Variants in HDAC4 observed in about 807,000 individuals in gnomAD.
HDAC4 encodes histone deacetylase 4, also known as histone deacetylase A.
HDAC4 carries 16 observed loss-of-function variants against 135.1 expected under a neutral mutation model. The ratio of observed to expected loss-of-function variants is 0.12; its 90% CI spans 0.08 to 0.18. The LOEUF is 0.18. Among genes scored for constraint, HDAC4 ranks in the 10% least tolerant of loss-of-function variants. HDAC4 has a pLI of 1.00. For missense variants in HDAC4, 1,143 were observed against 1,511.8 expected, an observed-to-expected ratio of 0.76 and a Z score of 4.05; for synonymous variants, 685 against 653.4, an observed-to-expected ratio of 1.05 and a Z score of -0.74.
chr2:239,258,566 A>G (rs950833966), intron 2 of HDAC4, among the ~76,000 whole-genome samples: 2 of 152,246 alleles, frequency 1.3e-5, no homozygotes, highest in African/African-American at 4.8e-5. Flanking sequence ...GAATCCTCTA[A>G]CCAGCACGGG....
chr2:239,311,562 G>A (rs1409944837), intron 2 of HDAC4, among the ~76,000 whole-genome samples: 1 of 152,178 alleles, frequency 6.6e-6, no homozygotes, highest in Non-Finnish European at 1.5e-5. Flanking sequence ...GGACTTTGTA[G>A]GAATGGAGGC....
intron 3 of HDAC4, among the ~76,000 whole-genome samples, chr2:239,222,136 T>C (rs1010534753): frequency 6.6e-6 from 1 of 152,148 alleles, no homozygotes; most frequent in African/African-American, 2.4e-5. Flanking sequence ...ACGCCTCCCT[T>C]CGCTTCCCTG....
intron 1 of HDAC4, among the ~76,000 whole-genome samples, chr2:239,371,655 G>A (rs925279697): frequency 3.3e-5 from 5 of 152,036 alleles, no homozygotes; most frequent in Middle Eastern, 3.4e-3. Flanking sequence ...ACACACATAC[G>A]CACGGACTCA....
intron 3 of HDAC4, among the ~76,000 whole-genome samples, chr2:239,196,660 T>C (rs907530637): frequency 6.6e-6 from 1 of 152,174 alleles, no homozygotes; most frequent in Non-Finnish European, 1.5e-5. Context: ...GTCTAACATC[T>C]GGCAGGGCAG....
At chr2:239,150,457 G>T (rs1305935515) in intron 7 of HDAC4, among the ~76,000 whole-genome samples, 1 of 150,588 alleles carries the variant, frequency 6.6e-6, no homozygotes, top group Admixed American at 6.6e-5. Context: ...CACACACACA[G>T]ATACATAGAA....
intron 4 of HDAC4, among the ~76,000 whole-genome samples, chr2:239,185,004 C>T (rs1211436564): frequency 1.4e-5 from 2 of 139,250 alleles, no homozygotes; most frequent in African/African-American, 5.5e-5. Flanking sequence ...GGCTATCCCT[C>T]AGTGTCTGCC....
chr2:239,196,796 G>A (rs542577615), intron 3 of HDAC4, among the ~76,000 whole-genome samples: 36 of 152,322 alleles, frequency 2.4e-4, no homozygotes, highest in African/African-American at 7.9e-4. Flanking sequence ...GAGTGACCTC[G>A]GGGAATCGAG....
intron 16 of HDAC4, among the ~76,000 whole-genome samples, chr2:239,099,142 G>A (rs1459487497): frequency 6.6e-6 from 1 of 152,202 alleles, no homozygotes; most frequent in African/African-American, 2.4e-5. Context: ...GCAAGGTGGT[G>A]GAGCTAAGCC....
chr2:239,125,008 T>C (rs1247629706), intron 12 of HDAC4, among the ~76,000 whole-genome samples: 1 of 150,350 alleles, frequency 6.7e-6, no homozygotes, highest in East Asian at 1.9e-4. Flanking sequence ...TTCCATGTTA[T>C]GTGACATTCC....
intron 1 of HDAC4, among the ~76,000 whole-genome samples, chr2:239,389,639 T>C (rs561109900): frequency 6.6e-6 from 1 of 152,304 alleles, no homozygotes; most frequent in South Asian, 2.1e-4. Flanking sequence ...GCGTTCAGTG[T>C]GGCACCCATG....
intron 22 of HDAC4, among the ~76,000 whole-genome samples, chr2:239,074,192 C>G (rs2034505203): frequency 6.6e-6 from 1 of 152,240 alleles, no homozygotes. Flanking sequence ...TGTCATAAAA[C>G]CTTTTTCTTT....
rs1169090686 is a variant in HDAC4, at chr2:239,177,392, T to C, written c.340-829A>G. On this transcript the variant is annotated intron_variant, in intron 4 of 26. Coordinates refer to ENST00000543185, the MANE Select transcript of HDAC4 (RefSeq NM_001378414.1). ...TCAGTGGAGGTGAAACCCAAAAATATGGAGGGCTGACTATATTCACATGAA... is the reference window on the plus strand; with the variant it reads ...TCAGTGGAGGTGAAACCCAAAAATACGGAGGGCTGACTATATTCACATGAA... Among the ~76,000 whole-genome samples, 5 of 152,112 alleles carry C rather than the reference T, an allele frequency of 3.3e-5. No individual in the cohort carries two copies. In the East Asian group the frequency reaches 9.7e-4, roughly 29 times the overall value.
intron 2 of HDAC4, among the ~76,000 whole-genome samples, chr2:239,255,925 A>G (rs1406391367): frequency 6.6e-6 from 1 of 152,250 alleles, no homozygotes; most frequent in African/African-American, 2.4e-5. Context: ...AATAATCAGC[A>G]AAAGATTGCT....
rs535983454 is a variant in HDAC4, at chr2:239,214,984, C to T, written c.94+21609G>A. ...CTTTCAAACTTGCTGAGTCTGAGAA[C>T]GCCCAGCTGGGGATCGACGGCAAGC... On this transcript the variant is annotated intron_variant, in intron 3 of 26. Coordinates refer to ENST00000543185, the MANE Select transcript of HDAC4 (RefSeq NM_001378414.1). 4.6e-5 allele frequency among the ~76,000 whole-genome samples: 7 copies of T among 152,300 alleles called. No homozygotes were observed. In the South Asian group the frequency reaches 6.2e-4, roughly 14 times the overall value.
intron 2 of HDAC4, among the ~76,000 whole-genome samples, chr2:239,318,685 T>TG (rs970783213): frequency 4.9e-5 from 5 of 101,502 alleles, no homozygotes; most frequent in East Asian, 2.6e-4. Flanking sequence ...CAAACGATTC[T>TG]GAAAAAAAAA....
intron 19 of HDAC4, among the ~76,000 whole-genome samples, chr2:239,084,795 A>ACACACAC (rs1245222174): frequency 2.8e-5 from 4 of 140,648 alleles, no homozygotes; most frequent in Admixed American, 2.8e-4. Flanking sequence ...CACACACCCC[A>ACACACAC]CACACACCCC....
At chr2:239,190,881 G>A (rs59398900) in intron 3 of HDAC4, 6,763 of 440,852 alleles carry the variant, frequency 0.015, 361 homozygotes, top group African/African-American at 0.12. Flanking sequence ...AGGAAGAAGG[G>A]TAGGTTTAAA....
intron 2 of HDAC4, among the ~76,000 whole-genome samples, chr2:239,291,581 T>A (rs976099973): frequency 1.4e-4 from 22 of 152,206 alleles, no homozygotes; most frequent in African/African-American, 5.3e-4. Flanking sequence ...CAACCCACGG[T>A]AGGGCCCGAA....
At chr2:239,329,950 TG>T (rs1691452594) in intron 2 of HDAC4, among the ~76,000 whole-genome samples, 1 of 151,684 alleles carries the variant, frequency 6.6e-6, no homozygotes, top group Admixed American at 6.6e-5. Context: ...GGAGCAGGAA[TG>T]GGGGAGCAAG....
Sources: allele counts gnomAD v4.1 joint callset (sites outside exome capture counted in the v4.1 genomes callset), GRCh38; gene constraint gnomAD v4.1.1; transcripts MANE v1.5; gene names NCBI Gene and HGNC (gene_info 2026-07-23, HGNC 2026-07-21).